The following DSE variants were observed in gnomAD, a reference collection of about 807,000 sequenced individuals.
The protein encoded by DSE is dermatan sulfate epimerase, also known as dermatan-sulfate epimerase.
A neutral mutation model predicts 84.4 loss-of-function variants in DSE; 36 were observed. The ratio of observed to expected loss-of-function variants is 0.43; its 90% confidence interval spans 0.33 to 0.56. The LOEUF is 0.56. DSE is among the 20% of genes least tolerant of loss of function. The probability of loss-of-function intolerance (pLI) is 0.06; values close to 1 mark genes in which losing one functional copy is unlikely to be tolerated. For missense variants in DSE, 862 were observed against 1,169.6 expected (o/e 0.74, Z 3.84); for synonymous variants, 410 against 430.1 (o/e 0.95, Z 0.58).
intron 2 of DSE, among the ~76,000 whole-genome samples, chr6:116,321,593 C>A (rs1776326023): frequency 6.6e-6 from 1 of 151,944 alleles, no homozygotes; most frequent in Non-Finnish European, 1.5e-5. Context: ...GGAGACCAGC[C>A]CAGCAAACAT....
At chr6:116,354,484 T>G (rs1221422844) in intron 2 of DSE, among the ~76,000 whole-genome samples, 1 of 152,148 alleles carries the variant, frequency 6.6e-6, no homozygotes, top group African/African-American at 2.4e-5. Flanking sequence ...ACCAGGAAGC[T>G]CATGGAATTG....
chr6:116,342,281 G>GTT (rs34996201), intron 2 of DSE, among the ~76,000 whole-genome samples: 12,380 of 133,506 alleles, frequency 0.093, 1,003 homozygotes, highest in African/African-American at 0.18. Flanking sequence ...TATTGTTGCT[G>GTT]TTTTTTTTTT....
At chr6:116,310,174 C>A (rs1350359258) in intron 2 of DSE, among the ~76,000 whole-genome samples, 1 of 152,116 alleles carries the variant, frequency 6.6e-6, no homozygotes, top group African/African-American at 2.4e-5. Flanking sequence ...TTGTAGGTAA[C>A]TTTGGAACCC....
intron 2 of DSE, among the ~76,000 whole-genome samples, chr6:116,330,094 G>A (rs1365879144): frequency 6.6e-6 from 1 of 152,134 alleles, no homozygotes; most frequent in Non-Finnish European, 1.5e-5. Context: ...CAAAGTGCTG[G>A]GATTACAGGC....
At chr6:116,401,699 A>G (rs1354863143) in intron 2 of DSE, among the ~76,000 whole-genome samples, 1 of 152,166 alleles carries the variant, frequency 6.6e-6, no homozygotes, top group Non-Finnish European at 1.5e-5. Flanking sequence ...TTACAACACA[A>G]TTATGTGCTG....
At chr6:116,260,514 T>C (rs1157644874) in intron 2 of DSE, among the ~76,000 whole-genome samples, 1 of 152,236 alleles carries the variant, frequency 6.6e-6, no homozygotes, top group Non-Finnish European at 1.5e-5. Context: ...ATTTTTGCTT[T>C]TGTTGCAATT....
chr6:116,279,322 C>A (rs1269924655), intron 2 of DSE: 5 of 1,610,436 alleles, frequency 3.1e-6, no homozygotes. Flanking sequence ...AGCGCTCTCC[C>A]TCTCAGCCAC....
At chr6:116,411,039 A>G (rs748366187) in intron 2 of DSE, among the ~76,000 whole-genome samples, 4 of 152,158 alleles carry the variant, frequency 2.6e-5, no homozygotes, top group Non-Finnish European at 5.9e-5. Context: ...GGATTTGGAT[A>G]TACAGAATTG....
intron 2 of DSE, among the ~76,000 whole-genome samples, chr6:116,282,953 A>G (rs571026443): frequency 6.6e-6 from 1 of 152,330 alleles, no homozygotes; most frequent in African/African-American, 2.4e-5. Flanking sequence ...TGTGGTTGCT[A>G]TTCAACACAG....
chr6:116,381,848 T>C (rs1312424515), intron 1 of DSE, among the ~76,000 whole-genome samples: 1 of 152,198 alleles, frequency 6.6e-6, no homozygotes, highest in Non-Finnish European at 1.5e-5. Context: ...AATAGTTTAT[T>C]GTCTTACAGT....
Position 116,343,267 on chromosome 6 carries a change from G to A in DSE, c.-53-55931G>A, listed in dbSNP as rs144088388. Reference sequence around the variant, plus strand: ...AGCAGAAACTTCTGCAGACTTAAACGTCCCTGTCCAAAAGCTCTGAAGACA... The same window carrying A: ...AGCAGAAACTTCTGCAGACTTAAACATCCCTGTCCAAAAGCTCTGAAGACA... On this transcript the variant is annotated intron_variant, in intron 2 of 3. Transcript: ENST00000430252. 6.5e-3 allele frequency among the ~76,000 whole-genome samples: 992 copies of A among 152,310 alleles called. 13 individuals are homozygous for A. The highest frequency in any genetic ancestry group is 0.022 in the African/African-American group (934 of 41,554).
intron 2 of DSE, among the ~76,000 whole-genome samples, chr6:116,421,463 A>ATATATATATATATATATTTTTT (rs1357496121): frequency 1.6e-5 from 1 of 61,344 alleles, no homozygotes; most frequent in Non-Finnish European, 2.7e-5. Context: ...ATATATATAT[A>ATATATATATATATATATTTTTT]TTTTTTTTTT....
chr6:116,434,165 T>C (rs181252763), intron 5 of DSE, among the ~76,000 whole-genome samples: 157 of 152,338 alleles, frequency 1.0e-3, no homozygotes, highest in Non-Finnish European at 2.1e-3. Context: ...TGCCTTAATC[T>C]TTTAAGCCCA....
intron 2 of DSE, among the ~76,000 whole-genome samples, chr6:116,354,162 A>G (rs975864560): frequency 1.3e-5 from 2 of 152,218 alleles, no homozygotes; most frequent in African/African-American, 4.8e-5. Context: ...TATATGAGGC[A>G]AGGATTAGAG....
upstream of DSE, chr6:116,369,911 C>G (rs2114908688): frequency 7.8e-7 from 1 of 1,289,346 alleles, no homozygotes; most frequent in South Asian, 1.2e-5. Flanking sequence ...TAAAATATCT[C>G]TCATTCTAAT....
intron 2 of DSE, among the ~76,000 whole-genome samples, chr6:116,300,079 G>C (rs941579961): frequency 2.6e-5 from 4 of 152,132 alleles, no homozygotes; most frequent in Non-Finnish European, 5.9e-5. Flanking sequence ...CTTTTCTTAG[G>C]AAGATGTATA....
intron 4 of DSE, among the ~76,000 whole-genome samples, chr6:116,432,043 A>G (rs1254212017): frequency 6.6e-6 from 1 of 152,250 alleles, no homozygotes; most frequent in Admixed American, 6.5e-5. Context: ...GACTAATTCA[A>G]AAATATTGCA....
At chr6:116,301,573 T>G (rs1732084076) in intron 2 of DSE, among the ~76,000 whole-genome samples, 1 of 152,230 alleles carries the variant, frequency 6.6e-6, no homozygotes, top group African/African-American at 2.4e-5. Context: ...CTGAGTAGTA[T>G]CTGATTATGT....
chr6:116,368,221 A>G (rs1326744364), upstream of DSE, among the ~76,000 whole-genome samples: 6 of 152,212 alleles, frequency 3.9e-5, no homozygotes, highest in African/African-American at 1.2e-4. Flanking sequence ...CCACGTACCC[A>G]TGTACACAGG....
Sources: gnomAD v4.1 joint callset for allele counts (sites outside exome capture counted in the v4.1 genomes callset) on GRCh38, gnomAD v4.1.1 for gene constraint, MANE v1.5 for transcripts, NCBI Gene and HGNC (gene_info 2026-07-23, HGNC 2026-07-21) for gene names.